GLG1: variants seen among roughly 807,000 people sequenced by gnomAD.
The protein encoded by GLG1 is Golgi apparatus protein 1.
GLG1 carries 38 observed loss-of-function variants against 160.5 expected under a neutral mutation model. The observed-to-expected ratio is 0.24, with a 90% confidence interval of 0.18 to 0.31. The LOEUF is 0.31. Among genes scored for constraint, GLG1 ranks in the 10% least tolerant of loss-of-function variants. GLG1 has a pLI of 1.00. For missense variants in GLG1, 1,373 were observed against 1,505.2 expected, an observed-to-expected ratio of 0.91 and a Z score of 1.45; for synonymous variants, 644 against 543.4, an observed-to-expected ratio of 1.19 and a Z score of -2.57.
At chr16:74,600,017 G>T (rs1432920171) in intron 1 of GLG1, among the ~76,000 whole-genome samples, 1 of 152,116 alleles carries the variant, frequency 6.6e-6, no homozygotes, top group Non-Finnish European at 1.5e-5. Context: ...CTGGGTGACA[G>T]TGCGAGACTC....
At position 74,452,300 on chromosome 16, in the gene GLG1, C is replaced by T; in HGVS notation, c.*867G>A. The T allele has an allele frequency of 7.0e-7, 1 of 1,421,164 alleles. No homozygotes were observed. The highest frequency in any genetic ancestry group is 9.2e-7 in the Non-Finnish European group (1 of 1,088,944). 88.0% of individuals were successfully genotyped at this position (1,421,164 alleles called of 1,614,324 possible). ...AGGGCCGGTCCAGACATGGCTGAGT[C>T]CTGTGCTGCCCTGGAGGAGGAAGGT... On this transcript the variant is annotated 3_prime_UTR_variant, in exon 26 of 26. Coordinates refer to ENST00000422840, the MANE Select transcript of GLG1 (RefSeq NM_001145667.2).
chr16:74,584,639 C>A (rs948287484), intron 1 of GLG1, among the ~76,000 whole-genome samples: 2 of 152,096 alleles, frequency 1.3e-5, no homozygotes, highest in African/African-American at 4.8e-5. Flanking sequence ...ACACTGGGGG[C>A]TGGGCACGGT....
chr16:74,563,617 T>C (rs1164244735), intron 1 of GLG1, among the ~76,000 whole-genome samples: 2 of 151,340 alleles, frequency 1.3e-5, no homozygotes, highest in Non-Finnish European at 2.9e-5. Context: ...GTCCCAGCTA[T>C]TTGCGAGGCT....
chr16:74,459,829 C>A lies in GLG1; in HGVS notation c.3037-40G>T. The A allele has an allele frequency of 1.0e-6, 1 of 984,234 alleles. No individual in the cohort carries two copies. The allele number at this position is 984,234 out of a possible 1,614,324, so 61.0% of individuals were successfully genotyped here. A position where few individuals can be genotyped will look rare whatever the true frequency, so the allele number is the denominator to read the frequency against. ...CAAAAAACAAAGCTACCCCACTGAG[C>A]ACAGAAATGAACTGACAGTTTCTTC... On this transcript the variant is annotated intron_variant, in intron 22 of 25. Coordinates refer to ENST00000422840, the MANE Select transcript of GLG1 (RefSeq NM_001145667.2).
chr16:74,516,263 C>G (rs936044918), intron 2 of GLG1, among the ~76,000 whole-genome samples: 20 of 151,724 alleles, frequency 1.3e-4, no homozygotes, highest in Non-Finnish European at 2.6e-4. Flanking sequence ...TTCTTTTCAG[C>G]ACCACACCAC....
At chr16:74,456,907 T>C (rs1462482887) in intron 24 of GLG1, 152 bp from the exon 25 acceptor site, 3 of 622,848 alleles carry the variant, frequency 4.8e-6, no homozygotes, top group Non-Finnish European at 8.4e-6. Flanking sequence ...TGATCCAGGA[T>C]CCAACAATGG....
intron 13 of GLG1, chr16:74,472,709 G>C (rs775968342): frequency 5.8e-6 from 3 of 521,162 alleles, no homozygotes; most frequent in Non-Finnish European, 1.0e-5. Context: ...AGTATGCAAA[G>C]CCTTTGCAGA....
At chr16:74,457,029 G>A in intron 24 of GLG1, among the ~76,000 whole-genome samples, 1 of 152,220 alleles carries the variant, frequency 6.6e-6, no homozygotes, top group Admixed American at 6.5e-5. Context: ...TACTTGGGAA[G>A]CTGAGGCAGG....
intron 1 of GLG1, among the ~76,000 whole-genome samples, chr16:74,584,404 T>A (rs1958001345): frequency 6.6e-6 from 1 of 152,202 alleles, no homozygotes; most frequent in African/African-American, 2.4e-5. Context: ...GAAGTTTTGT[T>A]AGCAATACAT....
intron 25 of GLG1, among the ~76,000 whole-genome samples, chr16:74,453,877 AT>A (rs34556886): frequency 0.15 from 21,049 of 144,136 alleles, 1,441 homozygotes; most frequent in Middle Eastern, 0.17. Flanking sequence ...TGTAAATTCT[AT>A]TTTTTTTTTT....
At chr16:74,502,693 G>T (rs565879375) in intron 4 of GLG1, among the ~76,000 whole-genome samples, 47 of 146,998 alleles carry the variant, frequency 3.2e-4, no homozygotes, top group Non-Finnish European at 5.4e-4. Flanking sequence ...ACAGACACCT[G>T]CCACCACGCC....
At chr16:74,510,583 T>C (rs2016773002) in intron 2 of GLG1, among the ~76,000 whole-genome samples, 2 of 152,172 alleles carry the variant, frequency 1.3e-5, no homozygotes, top group Admixed American at 6.5e-5. Flanking sequence ...GGGGGGTACA[T>C]TCCTCTCTGG....
chr16:74,545,808 A>C lies in GLG1; in HGVS notation c.439-13655T>G, dbSNP rs111382312. 4.8e-3 allele frequency among the ~76,000 whole-genome samples: 735 copies of C among 152,324 alleles called. 2 individuals carry two copies. The highest frequency in any genetic ancestry group is 0.037 in the Middle Eastern group (11 of 294). ...TCTCTTTTCTAAGTTTTACTTAGGA[A>C]ATGTTTCATGCCTACCACTTCCAGT... On this transcript the variant is annotated intron_variant, in intron 1 of 25. Coordinates refer to ENST00000422840, the MANE Select transcript of GLG1 (RefSeq NM_001145667.2).
intron 4 of GLG1, among the ~76,000 whole-genome samples, chr16:74,497,345 C>T (rs1425310892): frequency 3.3e-5 from 5 of 150,520 alleles, no homozygotes. Flanking sequence ...AAGTTCTGGT[C>T]ATAGTTCATG....
At position 74,490,872 on chromosome 16, in the gene GLG1, A is replaced by G. The variant is rs191259318; in HGVS notation, c.1449+129T>C. ...CTGAAGAAGCAACGTTCAGTCTCTG[A>G]TCATTAGTACCTAATGTTCAATGTG... On this transcript the variant is annotated intron_variant, in intron 8 of 25. Transcript: ENST00000422840. 12 of 663,848 alleles carry G rather than the reference A, an allele frequency of 1.8e-5. No homozygotes were observed. The East Asian group carries it at 3.2e-4, about 17-fold the overall frequency. The allele number at this position is 663,848 out of a possible 1,614,324, so 41.1% of individuals were successfully genotyped here. A position where few individuals can be genotyped will look rare whatever the true frequency, so the allele number is the denominator to read the frequency against.
intron 1 of GLG1, among the ~76,000 whole-genome samples, chr16:74,586,966 A>G (rs1005869294): frequency 1.3e-5 from 2 of 151,258 alleles, no homozygotes; most frequent in African/African-American, 4.9e-5. Flanking sequence ...AAGTGCTGAG[A>G]TTATAGGCGT....
intron 4 of GLG1, among the ~76,000 whole-genome samples, chr16:74,498,468 T>TATATATATATATATATATATAGATATATA (rs1491206560): frequency 3.4e-5 from 1 of 29,668 alleles, no homozygotes; most frequent in African/African-American, 9.9e-5. Context: ...ATATATATAT[T>TATATATATATATATATATATAGATATATA]ATATTTTATA....
At chr16:74,571,059 T>G (rs914251476) in intron 1 of GLG1, among the ~76,000 whole-genome samples, 18 of 151,914 alleles carry the variant, frequency 1.2e-4, no homozygotes, top group African/African-American at 4.4e-4. Context: ...AAATGTGACA[T>G]CAGAGGACTG....
intron 2 of GLG1, among the ~76,000 whole-genome samples, chr16:74,522,397 C>T (rs1480482325): frequency 2.0e-5 from 3 of 152,232 alleles, no homozygotes; most frequent in Non-Finnish European, 4.4e-5. Flanking sequence ...CACACAGATA[C>T]TCGGTATTGG....
Sources: gnomAD v4.1 joint callset for allele counts (sites outside exome capture counted in the v4.1 genomes callset) on GRCh38, gnomAD v4.1.1 for gene constraint, MANE v1.5 for transcripts, NCBI Gene and HGNC (gene_info 2026-07-23, HGNC 2026-07-21) for gene names.